ACAD10: variants seen among roughly 807,000 people sequenced by gnomAD.
ACAD10 encodes the protein ACAD-10.
ACAD10 carries 112 observed loss-of-function variants against 116.8 expected under a neutral mutation model. That is an observed-to-expected ratio of 0.96 (90% CI 0.82 to 1.12). The LOEUF is 1.12. Among genes scored for constraint, ACAD10 ranks in the 50% most tolerant of loss-of-function variants. ACAD10 has a pLI of 0.00. For synonymous variants in ACAD10, 486 were observed against 510.6 expected, an observed-to-expected ratio of 0.95 and a Z score of 0.65; for missense variants, 1,259 against 1,350.2, an observed-to-expected ratio of 0.93 and a Z score of 1.06.
At chr12:111,720,672 A>G (rs1888989249) in intron 7 of ACAD10, among the ~76,000 whole-genome samples, 1 of 152,074 alleles carries the variant, frequency 6.6e-6, no homozygotes, top group South Asian at 2.1e-4. Flanking sequence ...CAGCCTATCT[A>G]TGTTTATATA....
At chr12:111,713,535 C>T (rs1359026099) in intron 6 of ACAD10, among the ~76,000 whole-genome samples, 1 of 147,880 alleles carries the variant, frequency 6.8e-6, no homozygotes, top group African/African-American at 2.5e-5. Context: ...TGAGGCACAA[C>T]AATTGCTTGA....
chr12:111,712,680 T>G (rs1475989975), intron 6 of ACAD10, 23 bp downstream of exon 6: 1 of 1,611,126 alleles, frequency 6.2e-7, no homozygotes, highest in Non-Finnish European at 8.5e-7. Context: ...CTTTCATGTT[T>G]TGGTAGCTCT....
At chr12:111,736,544 T>C (rs1889570106) in intron 11 of ACAD10, among the ~76,000 whole-genome samples, 1 of 152,188 alleles carries the variant, frequency 6.6e-6, no homozygotes, top group African/African-American at 2.4e-5. Flanking sequence ...GAAGATAATA[T>C]GCATCCACCC....
chr12:111,727,812 G>A, intron 8 of ACAD10, 150 bp from the exon 9 acceptor site: 1 of 743,418 alleles, frequency 1.3e-6, no homozygotes, highest in South Asian at 1.9e-5. Flanking sequence ...TTATGTGAAA[G>A]GAAAAAGGAA....
chr12:111,730,253 G>A (rs1379997938), intron 10 of ACAD10, among the ~76,000 whole-genome samples: 1 of 152,116 alleles, frequency 6.6e-6, no homozygotes, highest in Admixed American at 6.6e-5. Flanking sequence ...AAAAATCTTC[G>A]CAGACCTGGT....
intron 18 of ACAD10, among the ~76,000 whole-genome samples, chr12:111,751,945 C>A (rs1467536416): frequency 1.3e-5 from 2 of 151,758 alleles, no homozygotes. Context: ...GTAATCCCAG[C>A]TACTTGGGAG....
At chr12:111,721,892 T>A in intron 8 of ACAD10, 153 bp downstream of exon 8, 1 of 501,654 alleles carries the variant, frequency 2.0e-6, no homozygotes, top group South Asian at 4.6e-5. Flanking sequence ...TTCTCAGATA[T>A]TTAAGTTATC....
chr12:111,723,278 C>T (rs1316898849), intron 8 of ACAD10, among the ~76,000 whole-genome samples: 38 of 129,282 alleles, frequency 2.9e-4, no homozygotes, highest in South Asian at 2.0e-3. Context: ...CGGGCAGAGG[C>T]GCCCCTCACC....
chr12:111,717,627 G>A (rs951822455), intron 7 of ACAD10, among the ~76,000 whole-genome samples: 14 of 150,698 alleles, frequency 9.3e-5, no homozygotes, highest in Non-Finnish European at 1.8e-4. Context: ...GTACAGTGGT[G>A]TGATGATACC....
chr12:111,704,542 AG>A (rs1888441580), intron 3 of ACAD10, among the ~76,000 whole-genome samples: 1 of 152,154 alleles, frequency 6.6e-6, no homozygotes, highest in Non-Finnish European at 1.5e-5. Flanking sequence ...CTCTTTAAAT[AG>A]GTGACTTGCA....
chr12:111,755,845 G>A (rs769842107), intron 20 of ACAD10, 100 bp downstream of exon 20: 2 of 1,198,420 alleles, frequency 1.7e-6, no homozygotes, highest in East Asian at 2.3e-5. Context: ...CCTGGCAGAT[G>A]CCCTGTGTCA....
At position 111,737,021 on chromosome 12, in the gene ACAD10, C is replaced by A; in HGVS notation, c.1714+17C>A. 3 of 1,611,234 alleles carry A rather than the reference C, an allele frequency of 1.9e-6. No individual in the cohort carries two copies. Among genetic ancestry groups the A allele is most frequent in the Non-Finnish European group, 2.5e-6 (3 of 1,178,470 alleles). ...CACTCACAGGTAATGGGATGGCTGC[C>A]CTGAAGAGCCACTGCGGGGTGAGTC... On this transcript the variant is annotated intron_variant, in intron 12 of 20. Coordinates refer to ENST00000313698, the MANE Select transcript of ACAD10 (RefSeq NM_025247.6).
chr12:111,695,569 T>C (rs1276350339), intron 2 of ACAD10, among the ~76,000 whole-genome samples: 1 of 152,174 alleles, frequency 6.6e-6, no homozygotes, highest in Non-Finnish European at 1.5e-5. Context: ...TGTTGCAGTG[T>C]TAGCTCTGCA....
intron 12 of ACAD10, among the ~76,000 whole-genome samples, chr12:111,740,871 A>T (rs1889719971): frequency 6.6e-6 from 1 of 151,952 alleles, no homozygotes. Flanking sequence ...AGGAGAAAGG[A>T]ATTCATCATG....
chr12:111,721,861 T>C, intron 8 of ACAD10, 122 bp downstream of exon 8: 1 of 655,474 alleles, frequency 1.5e-6, no homozygotes, highest in African/African-American at 1.8e-5. Context: ...AAAGAAACTT[T>C]ATCACAACCT....
At chr12:111,702,404 A>T in intron 3 of ACAD10, 94 bp downstream of exon 3, 4 of 1,481,910 alleles carry the variant, frequency 2.7e-6, no homozygotes, top group South Asian at 1.3e-5. Context: ...ACTGAAAATA[A>T]AGTGAAACCT....
At chr12:111,721,855 A>G (rs1889022982) in intron 8 of ACAD10, 116 bp downstream of exon 8, 1 of 738,336 alleles carries the variant, frequency 1.4e-6, no homozygotes, top group South Asian at 2.7e-5. Context: ...GAGGGAAAAG[A>G]AACTTTATCA....
At chr12:111,748,126 C>T (rs987937150) in intron 16 of ACAD10, among the ~76,000 whole-genome samples, 191 bp from the exon 17 acceptor site, 2 of 152,188 alleles carry the variant, frequency 1.3e-5, no homozygotes, top group African/African-American at 4.8e-5. Context: ...TGGATTCATT[C>T]CTCACTGGGA....
intron 2 of ACAD10, among the ~76,000 whole-genome samples, chr12:111,696,102 C>T (rs564006011): frequency 9.4e-5 from 14 of 148,310 alleles, no homozygotes; most frequent in African/African-American, 3.2e-4. Flanking sequence ...CGCTCTGTTT[C>T]TTAGGCTGGA....
Sources: gnomAD v4.1 joint callset for allele counts (sites outside exome capture counted in the v4.1 genomes callset) on GRCh38, gnomAD v4.1.1 for gene constraint, MANE v1.5 for transcripts, NCBI Gene and HGNC (gene_info 2026-07-23, HGNC 2026-07-21) for gene names.